The following CHODL variants were observed in gnomAD, a reference collection of about 807,000 sequenced individuals.
CHODL encodes transmembrane protein MT75.
A neutral mutation model predicts 34.5 loss-of-function variants in CHODL; 29 were observed. That is an observed-to-expected ratio of 0.84 (90% confidence interval 0.63 to 1.15). The LOEUF (loss-of-function observed/expected upper bound fraction) is 1.15, where lower values mean the gene tolerates loss of function less well. Among genes scored for constraint, CHODL ranks in the 50% most tolerant of loss-of-function variants. CHODL has a pLI of 0.00. For synonymous variants in CHODL, 125 were observed against 116.1 expected (o/e 1.08, Z -0.49); for missense variants, 332 against 332.5 (o/e 1.00, Z 0.01).
chr21:18,022,597 A>G, intron 1 of CHODL, among the ~76,000 whole-genome samples: 1 of 152,194 alleles, frequency 6.6e-6, no homozygotes, highest in East Asian at 1.9e-4. Context: ...TTAAGGAGAA[A>G]AATAGGCATT....
chr21:18,177,167 C>A (rs1601108914), intron 2 of CHODL, among the ~76,000 whole-genome samples: 2 of 151,916 alleles, frequency 1.3e-5, no homozygotes, highest in East Asian at 1.9e-4. Context: ...CTAACAAGGG[C>A]AGAAATTGCT....
At chr21:17,957,118 C>T (rs1159273416) in intron 1 of CHODL, among the ~76,000 whole-genome samples, 1 of 152,038 alleles carries the variant, frequency 6.6e-6, no homozygotes, top group Non-Finnish European at 1.5e-5. Flanking sequence ...TGATAATTGT[C>T]CTGGATTTTT....
intron 1 of CHODL, among the ~76,000 whole-genome samples, chr21:17,991,638 C>T (rs1027950528): frequency 6.8e-6 from 1 of 146,202 alleles, no homozygotes; most frequent in Non-Finnish European, 1.5e-5. Flanking sequence ...CTTTTGCTCA[C>T]TTTTAAATGA....
intron 2 of CHODL, among the ~76,000 whole-genome samples, chr21:18,094,926 C>T (rs547079709): frequency 7.1e-4 from 108 of 152,048 alleles, no homozygotes; most frequent in African/African-American, 2.5e-3. Context: ...GAGTTCAAGA[C>T]CAGGCTGGCC....
chr21:17,932,730 G>A (rs371881654), intron 1 of CHODL, among the ~76,000 whole-genome samples: 8 of 152,294 alleles, frequency 5.3e-5, no homozygotes, highest in East Asian at 3.9e-4. Context: ...GAAGGGGTGC[G>A]TTGCCCCTCC....
intron 1 of CHODL, among the ~76,000 whole-genome samples, chr21:18,027,001 G>A (rs285924): frequency 0.015 from 2,301 of 152,240 alleles, 62 homozygotes; most frequent in African/African-American, 0.052. Context: ...TCCAGGCTGG[G>A]CGCAGTGGCT....
At chr21:18,116,537 T>C (rs2065415275) in intron 2 of CHODL, among the ~76,000 whole-genome samples, 1 of 152,224 alleles carries the variant, frequency 6.6e-6, no homozygotes. Flanking sequence ...TCCTTTCCTT[T>C]TATTTTCTTT....
chr21:17,995,337 A>G (rs748318316), intron 1 of CHODL, among the ~76,000 whole-genome samples: 1 of 152,198 alleles, frequency 6.6e-6, no homozygotes, highest in African/African-American at 2.4e-5. Context: ...CTAGGATTAC[A>G]GGAGTCTGCC....
chr21:18,078,095 C>CCTAG (rs891739419), intron 2 of CHODL, among the ~76,000 whole-genome samples: 4 of 152,120 alleles, frequency 2.6e-5, no homozygotes, highest in African/African-American at 9.7e-5. Flanking sequence ...TCTTTCTGTG[C>CCTAG]CTAGCCTTCT....
chr21:18,076,810 C>T (rs2064872516), intron 2 of CHODL, among the ~76,000 whole-genome samples: 1 of 152,238 alleles, frequency 6.6e-6, no homozygotes, highest in Non-Finnish European at 1.5e-5. Flanking sequence ...CTAGTGGATT[C>T]ATGGGGCCAG....
intron 2 of CHODL, among the ~76,000 whole-genome samples, chr21:18,116,516 T>G (rs78861532): frequency 6.6e-6 from 1 of 152,194 alleles, no homozygotes; most frequent in Non-Finnish European, 1.5e-5. Flanking sequence ...CTATGTTAAT[T>G]GAAGATTGGG....
intron 1 of CHODL, among the ~76,000 whole-genome samples, chr21:18,003,544 T>C (rs2146403058): frequency 6.6e-6 from 1 of 152,252 alleles, no homozygotes; most frequent in South Asian, 2.1e-4. Context: ...CATTTAACAG[T>C]ATATTGAAGG....
intron 2 of CHODL, among the ~76,000 whole-genome samples, chr21:18,128,412 A>G (rs2146590368): frequency 6.6e-6 from 1 of 151,478 alleles, no homozygotes; most frequent in Admixed American, 6.6e-5. Flanking sequence ...GCTCAACACT[A>G]TATGATCAAA....
Position 17,927,150 on chromosome 21 carries a change from G to GTA in CHODL, c.-145+9758_-145+9759dup, listed in dbSNP as rs202097804. On this transcript the variant is annotated intron_variant, in intron 1 of 6. Coordinates refer to the CHODL transcript ENST00000400127. ...TATATATATGTATATATGTATATAT[G>GTA]TATATATATGTATATATGTATATAT... Among the ~76,000 whole-genome samples the GTA allele has an allele frequency of 1.5e-4, 8 of 54,826 alleles. 1 individual carries two copies. Among genetic ancestry groups the GTA allele is most frequent in the Non-Finnish European group, 2.4e-4 (6 of 24,696 alleles). 36.0% of individuals were successfully genotyped at this position (54,826 alleles called of 152,430 possible).
At chr21:18,010,912 C>T (rs1340736392) in intron 1 of CHODL, among the ~76,000 whole-genome samples, 1 of 152,180 alleles carries the variant, frequency 6.6e-6, no homozygotes, top group Non-Finnish European at 1.5e-5. Flanking sequence ...AAGGAAGTTT[C>T]TCCCTTGACA....
At chr21:18,016,128 C>T (rs1211281109) in intron 1 of CHODL, among the ~76,000 whole-genome samples, 1 of 152,236 alleles carries the variant, frequency 6.6e-6, no homozygotes, top group African/African-American at 2.4e-5. Context: ...GAAAATCCCT[C>T]CAGGGCATTT....
chr21:18,155,288 C>T (rs1358446946), intron 2 of CHODL, among the ~76,000 whole-genome samples: 1 of 152,196 alleles, frequency 6.6e-6, no homozygotes, highest in African/African-American at 2.4e-5. Context: ...CAATCCCAGT[C>T]CCCAACGTTG....
At chr21:18,158,825 T>A (rs1490167740) in intron 2 of CHODL, among the ~76,000 whole-genome samples, 1 of 114,028 alleles carries the variant, frequency 8.8e-6, no homozygotes, top group Non-Finnish European at 1.7e-5. Context: ...GCAACGAGAG[T>A]GAAACTCCGT....
Position 18,266,748 on chromosome 21 carries a change from CAT to C in CHODL, c.*711_*712del, listed in dbSNP as rs2074467410. 6.5e-6 allele frequency: 1 copy of C among 152,756 alleles called. No individual in the cohort carries two copies. Among genetic ancestry groups the C allele is most frequent in the Non-Finnish European group, 1.5e-5 (1 of 68,140 alleles). 9.5% of individuals were successfully genotyped at this position (152,756 alleles called of 1,614,324 possible). On this transcript the variant is annotated 3_prime_UTR_variant, in exon 6 of 6. Coordinates refer to ENST00000299295, the MANE Select transcript of CHODL (RefSeq NM_024944.3). ...ATTGTCTAATTTCAATTGTGCAAGA[CAT>C]GTGCCTTATAATTATTTTTAGCTTA...
Sources: allele counts gnomAD v4.1 joint callset (sites outside exome capture counted in the v4.1 genomes callset), GRCh38; gene constraint gnomAD v4.1.1; transcripts MANE v1.5; gene names NCBI Gene and HGNC (gene_info 2026-07-23, HGNC 2026-07-21).